LDLRAD4: variants seen among roughly 807,000 people sequenced by gnomAD.
LDLRAD4 encodes the protein low-density lipoprotein receptor class A domain-containing protein 4.
LDLRAD4 carries 5 observed loss-of-function variants against 17.0 expected under a neutral mutation model. The ratio of observed to expected loss-of-function variants is 0.29; its 90% CI spans 0.15 to 0.62. LDLRAD4 has a LOEUF of 0.62. Ranked by LOEUF, LDLRAD4 falls within the 20% of genes least tolerant of loss-of-function variation. The pLI, the probability that LDLRAD4 is intolerant of heterozygous loss-of-function variation, is 0.84. For synonymous variants in LDLRAD4, 168 were observed against 171.8 expected (o/e 0.98, Z 0.17); for missense variants, 340 against 424.7 (o/e 0.80, Z 1.75).
At chr18:13,491,944 A>G (rs1355132271) in intron 3 of LDLRAD4, among the ~76,000 whole-genome samples, 1 of 152,220 alleles carries the variant, frequency 6.6e-6, no homozygotes, top group Non-Finnish European at 1.5e-5. Context: ...CGCTTCCATC[A>G]TTCAATTGAT....
intron 3 of LDLRAD4, among the ~76,000 whole-genome samples, chr18:13,527,904 C>T (rs138975514): frequency 1.3e-3 from 195 of 152,338 alleles, no homozygotes; most frequent in African/African-American, 4.4e-3. Context: ...TCGCCATGGA[C>T]ACCCATTCTC....
intron 1 of LDLRAD4, chr18:13,239,425 G>A (rs1156655773): frequency 6.6e-6 from 1 of 152,194 alleles, no homozygotes; most frequent in Non-Finnish European, 1.5e-5. Flanking sequence ...TCTTGTGTGA[G>A]GATTTCAATA....
intron 2 of LDLRAD4, among the ~76,000 whole-genome samples, chr18:13,397,291 C>A (rs2086782692): frequency 6.6e-6 from 1 of 152,084 alleles, no homozygotes; most frequent in African/African-American, 2.4e-5. Flanking sequence ...CTACAGGCAC[C>A]CGCCACCACA....
chr18:13,549,771 T>G (rs2094411498), intron 3 of LDLRAD4, among the ~76,000 whole-genome samples: 2 of 152,050 alleles, frequency 1.3e-5, no homozygotes, highest in Admixed American at 1.3e-4. Context: ...TCTGTCCAAT[T>G]TTAAAGCTTC....
intron 3 of LDLRAD4, chr18:13,562,939 A>G (rs1402205833): frequency 6.6e-6 from 1 of 152,240 alleles, no homozygotes; most frequent in East Asian, 1.9e-4. Context: ...GATCCAACTG[A>G]GAAAGGAAGG....
At chr18:13,232,056 G>A (rs949366799) in intron 1 of LDLRAD4, among the ~76,000 whole-genome samples, 2 of 152,216 alleles carry the variant, frequency 1.3e-5, no homozygotes, top group Admixed American at 6.5e-5. Context: ...AACTGAATTC[G>A]AAGATACACA....
At chr18:13,545,929 A>G (rs552420429) in intron 3 of LDLRAD4, among the ~76,000 whole-genome samples, 7 of 152,318 alleles carry the variant, frequency 4.6e-5, no homozygotes, top group African/African-American at 1.7e-4. Context: ...GCTGTCCTCA[A>G]TCCTAAGCCA....
intron 2 of LDLRAD4, among the ~76,000 whole-genome samples, chr18:13,406,508 C>A (rs1017045934): frequency 6.6e-6 from 1 of 152,182 alleles, no homozygotes; most frequent in African/African-American, 2.4e-5. Context: ...TCATTCTCTG[C>A]CCCGTCGATG....
At position 13,239,267 on chromosome 18, in the gene LDLRAD4, G is replaced by A. The variant is rs558314510; in HGVS notation, c.-467+20279G>A. Reference sequence around the variant, plus strand: ...GACCCATGAAGCCTGCGGTTGGAGGGGCCTGGCGTTAGGGAGAGGACACTG... The same window carrying A: ...GACCCATGAAGCCTGCGGTTGGAGGAGCCTGGCGTTAGGGAGAGGACACTG... On this transcript the variant is annotated intron_variant, in intron 1 of 5. Coordinates refer to the LDLRAD4 transcript ENST00000399848. 2.0e-5 allele frequency among the ~76,000 whole-genome samples: 3 copies of A among 152,220 alleles called. No homozygotes were observed. The South Asian group carries it at 6.2e-4, about 32-fold the overall frequency.
At chr18:13,230,396 A>T (rs9962142) in intron 1 of LDLRAD4, among the ~76,000 whole-genome samples, 133,413 of 152,190 alleles carry the variant, frequency 0.88, 58,640 homozygotes, top group East Asian at 0.95. Context: ...GGAAAGAGTA[A>T]TCTAGTGGGT....
intron 1 of LDLRAD4, among the ~76,000 whole-genome samples, chr18:13,375,483 T>C: frequency 6.6e-6 from 1 of 152,038 alleles, no homozygotes; most frequent in East Asian, 1.9e-4. Context: ...TGCGAGTGAG[T>C]CACAGCTGGC....
At chr18:13,306,554 A>C (rs1367233234) in intron 1 of LDLRAD4, among the ~76,000 whole-genome samples, 1 of 152,208 alleles carries the variant, frequency 6.6e-6, no homozygotes. Context: ...AAGGACCTTT[A>C]AGGCTCATTA....
At chr18:13,309,266 T>A (rs2047090887) in intron 1 of LDLRAD4, among the ~76,000 whole-genome samples, 1 of 152,222 alleles carries the variant, frequency 6.6e-6, no homozygotes, top group South Asian at 2.1e-4. Flanking sequence ...GGTACGGTTC[T>A]TAGAGTGCCA....
At chr18:13,441,704 A>T (rs1465173127) in intron 3 of LDLRAD4, among the ~76,000 whole-genome samples, 1 of 152,226 alleles carries the variant, frequency 6.6e-6, no homozygotes, top group Non-Finnish European at 1.5e-5. Flanking sequence ...TAACAAGAAA[A>T]TGTTACTGTT....
chr18:13,443,710 C>A lies in LDLRAD4; in HGVS notation c.181+5326C>A, dbSNP rs952579804. ...CTCTTCCTGTCGTCGTCGTCGTCGT[C>A]TCCTCCTCCTCCTCCCCCTTCTCCC... On this transcript the variant is annotated intron_variant, in intron 3 of 5. Transcript: ENST00000359446. Among the ~76,000 whole-genome samples, 7 of 133,826 alleles carry A rather than the reference C, an allele frequency of 5.2e-5. No homozygotes were observed. In the Admixed American group the frequency reaches 5.6e-4, roughly 11 times the overall value. The allele number at this position is 133,826 out of a possible 152,430, so 87.8% of individuals were successfully genotyped here.
At chr18:13,236,738 G>C (rs1453305523) in intron 1 of LDLRAD4, among the ~76,000 whole-genome samples, 2 of 152,168 alleles carry the variant, frequency 1.3e-5, no homozygotes, top group Non-Finnish European at 2.9e-5. Flanking sequence ...TGGAGTGGGG[G>C]TGTCTCCTGC....
At position 13,440,872 on chromosome 18, in the gene LDLRAD4, A is replaced by G. The variant is rs1302884136; in HGVS notation, c.181+2488A>G. On this transcript the variant is annotated intron_variant, in intron 3 of 5. Transcript: ENST00000359446. This position sits in a 1 kb window ranked among gnomAD's most constrained non-coding sequence, Gnocchi z 4.4. ...GGAGCAGGAATTCACGGGTGTCCAC[A>G]AGTGCACTTGCCCAGTGATCCTGGA... Among the ~76,000 whole-genome samples the G allele has an allele frequency of 1.3e-5, 2 of 152,186 alleles. No homozygotes were observed. Among genetic ancestry groups the G allele is most frequent in the East Asian group, 1.9e-4 (1 of 5,186 alleles).
intron 1 of LDLRAD4, among the ~76,000 whole-genome samples, chr18:13,249,623 G>T (rs565658450): frequency 6.7e-6 from 1 of 150,142 alleles, no homozygotes; most frequent in African/African-American, 2.5e-5. Flanking sequence ...TGAAATGTTT[G>T]AGTTCCTTGT....
rs74976417 is a variant in LDLRAD4 at position 13,280,792 on chromosome 18, C to T, written c.-383+2604C>T. Among the ~76,000 whole-genome samples the T allele has an allele frequency of 2.4e-3, 370 of 152,346 alleles. 1 individual carries two copies. Among genetic ancestry groups the T allele is most frequent in the African/African-American group, 8.5e-3 (353 of 41,576 alleles). On this transcript the variant is annotated intron_variant, in intron 1 of 5. Coordinates refer to ENST00000359446, the Ensembl canonical transcript of LDLRAD4. ...TCTTGGTCCTTAAGGGATCTGAAGG[C>T]ACCGGTGCAGACCAGGGACCATGCG...
Sources: allele counts gnomAD v4.1 joint callset (sites outside exome capture counted in the v4.1 genomes callset), GRCh38; gene constraint gnomAD v4.1.1; non-coding constraint Gnocchi (gnomAD v3.1); transcripts MANE v1.5; gene names NCBI Gene and HGNC (gene_info 2026-07-23, HGNC 2026-07-21).